Variants in ZNF532 observed in about 807,000 individuals in gnomAD.
ZNF532 encodes the protein zinc finger protein 532.
In ZNF532, 22 loss-of-function variants were observed where a neutral mutation model predicts 89.3. The observed-to-expected ratio is 0.25, with a 90% CI of 0.18 to 0.35. The LOEUF (loss-of-function observed/expected upper bound fraction) is 0.35, where lower values mean the gene tolerates loss of function less well. Ranked by LOEUF, ZNF532 falls within the 10% of genes least tolerant of loss-of-function variation. ZNF532 has a pLI of 1.00. For synonymous variants in ZNF532, 606 were observed against 649.6 expected, an observed-to-expected ratio of 0.93 and a Z score of 1.02; for missense variants, 1,132 against 1,643.4, an observed-to-expected ratio of 0.69 and a Z score of 5.38.
intron 7 of ZNF532, among the ~76,000 whole-genome samples, chr18:58,960,412 G>C (rs187971789): frequency 2.6e-5 from 4 of 152,250 alleles, no homozygotes; most frequent in Admixed American, 2.6e-4. Flanking sequence ...TGGAGAATGA[G>C]CTGTGGCCAG....
chr18:58,912,299 T>A (rs777596234), intron 2 of ZNF532, among the ~76,000 whole-genome samples: 17 of 152,234 alleles, frequency 1.1e-4, no homozygotes, highest in Non-Finnish European at 1.9e-4. Flanking sequence ...ATTGGTATCA[T>A]CAGGTTTAAG....
chr18:58,959,258 T>TG (rs1282505799), intron 7 of ZNF532, among the ~76,000 whole-genome samples: 5 of 143,984 alleles, frequency 3.5e-5, no homozygotes, highest in African/African-American at 5.6e-5. Flanking sequence ...TTTTTGTTTT[T>TG]TGTTTTTTTT....
intron 7 of ZNF532, among the ~76,000 whole-genome samples, chr18:58,972,447 TAAAG>T (rs917804211): frequency 5.3e-5 from 8 of 152,266 alleles, no homozygotes; most frequent in African/African-American, 9.6e-5. Flanking sequence ...GTTACTTTGA[TAAAG>T]AAATAAGAAA....
intron 7 of ZNF532, among the ~76,000 whole-genome samples, chr18:58,960,095 C>T (rs750879653): frequency 2.0e-5 from 3 of 152,196 alleles, no homozygotes; most frequent in African/African-American, 7.2e-5. Context: ...CGTGCCACCA[C>T]GCCCAGCTAA....
At chr18:58,889,612 C>T (rs1181164676) in intron 2 of ZNF532, among the ~76,000 whole-genome samples, 1 of 151,642 alleles carries the variant, frequency 6.6e-6, no homozygotes, top group East Asian at 1.9e-4. Context: ...CCAGCCTGGC[C>T]AATATGGTGA....
At chr18:58,969,873 C>CTTTTTTTTT (rs10617418) in intron 7 of ZNF532, among the ~76,000 whole-genome samples, 6 of 84,750 alleles carry the variant, frequency 7.1e-5, no homozygotes, top group Middle Eastern at 0.012. Context: ...ATATTTGTCC[C>CTTTTTTTTT]TTTTTTTTTT....
At chr18:58,889,633 C>G (rs1215406281) in intron 2 of ZNF532, among the ~76,000 whole-genome samples, 4 of 151,702 alleles carry the variant, frequency 2.6e-5, no homozygotes, top group Non-Finnish European at 4.4e-5. Flanking sequence ...AACCCCCTCT[C>G]TACTAAAAAT....
intron 2 of ZNF532, among the ~76,000 whole-genome samples, chr18:58,880,767 C>T (rs368770217): frequency 0.35 from 45,074 of 128,862 alleles, 7,580 homozygotes; most frequent in Middle Eastern, 0.5. Context: ...CGCGCACGCG[C>T]GCGCGTCTGT....
chr18:58,906,009 G>A (rs866827126), intron 2 of ZNF532, among the ~76,000 whole-genome samples: 44 of 152,254 alleles, frequency 2.9e-4, no homozygotes, highest in African/African-American at 8.2e-4. Context: ...AGAAGGTCTC[G>A]GAGGCAGTGT....
intron 9 of ZNF532, among the ~76,000 whole-genome samples, chr18:58,981,997 C>T (rs1348643231): frequency 8.0e-6 from 1 of 124,368 alleles, no homozygotes; most frequent in Non-Finnish European, 1.6e-5. Flanking sequence ...GTGCGAGACT[C>T]TCCCAAAAAA....
At chr18:58,872,697 T>TC (rs1443857208) in intron 2 of ZNF532, among the ~76,000 whole-genome samples, 3 of 131,332 alleles carry the variant, frequency 2.3e-5, no homozygotes, top group East Asian at 6.1e-4. Flanking sequence ...CCAACATTTA[T>TC]CTTTTTTTTT....
intron 2 of ZNF532, among the ~76,000 whole-genome samples, chr18:58,885,281 G>T (rs893369736): frequency 6.6e-6 from 1 of 152,150 alleles, no homozygotes. Context: ...GAGCCACAGC[G>T]CTCAGCTGGG....
intron 7 of ZNF532, among the ~76,000 whole-genome samples, chr18:58,974,212 T>G (rs1196913248): frequency 6.6e-6 from 1 of 152,246 alleles, no homozygotes; most frequent in African/African-American, 2.4e-5. Flanking sequence ...TAGTGAAGTC[T>G]TAACTCCTAA....
intron 2 of ZNF532, among the ~76,000 whole-genome samples, chr18:58,898,849 C>T (rs2059414086): frequency 1.3e-5 from 2 of 152,246 alleles, no homozygotes; most frequent in South Asian, 4.1e-4. Context: ...CCTGCACATA[C>T]ATGCCCCCTG....
intron 7 of ZNF532, among the ~76,000 whole-genome samples, chr18:58,958,213 A>C (rs886921320): frequency 6.6e-6 from 1 of 152,142 alleles, no homozygotes; most frequent in Non-Finnish European, 1.5e-5. Context: ...ATTTGTCGTA[A>C]TCTGATATCA....
chr18:58,962,166 C>T (rs529239696), intron 7 of ZNF532, among the ~76,000 whole-genome samples: 43 of 151,478 alleles, frequency 2.8e-4, no homozygotes, highest in African/African-American at 8.3e-4. Context: ...GTGAAGGTTG[C>T]GGTGAGCCGA....
In ZNF532 at chr18:58,869,027, T is replaced by C. The variant is rs116374087; in HGVS notation, c.-18+3448T>C. The stretch of plus-strand genomic sequence containing the variant: ...CAGTTTTAATACAGTGGTAACTATT[T>C]GTGTTTCTGACCAATCTAAACACAT... On this transcript the variant is annotated intron_variant, in intron 2 of 9. Coordinates refer to ENST00000591808, the MANE Select transcript of ZNF532 (RefSeq NM_001375912.1). 2.6e-3 allele frequency among the ~76,000 whole-genome samples: 389 copies of C among 152,320 alleles called. 2 individuals carry two copies. The highest frequency in any genetic ancestry group is 0.011 in the Admixed American group (165 of 15,294).
rs773324058 is a variant in ZNF532, at chr18:58,959,935, TTTC to T, written c.3150+6142_3150+6144del. 2.0e-5 allele frequency among the ~76,000 whole-genome samples: 3 copies of T among 152,124 alleles called. No individual in the cohort carries two copies. The East Asian group carries it at 5.8e-4, about 29-fold the overall frequency. On this transcript the variant is annotated intron_variant, in intron 7 of 9. Transcript: ENST00000591808. ...TACATTTACCACTTCTAAGTAGATT[TTTC>T]TTCTTTTTTTATTTTTTTGAGATAG...
chr18:58,925,365 A>G (rs2061440883), intron 3 of ZNF532, among the ~76,000 whole-genome samples: 1 of 152,212 alleles, frequency 6.6e-6, no homozygotes, highest in Admixed American at 6.5e-5. Flanking sequence ...CTAGTGGCTA[A>G]TGATGTTGAA....
Sources: allele counts gnomAD v4.1 joint callset (sites outside exome capture counted in the v4.1 genomes callset), GRCh38; gene constraint gnomAD v4.1.1; transcripts MANE v1.5; gene names NCBI Gene and HGNC (gene_info 2026-07-23, HGNC 2026-07-21).